The following TTC34 variants were observed in gnomAD, a reference collection of about 807,000 sequenced individuals.
TTC34 encodes tetratricopeptide repeat protein 34.
Under a neutral mutation model 40.7 loss-of-function variants are expected in TTC34, and 44 were observed. That is an observed-to-expected ratio of 1.08 (90% CI 0.85 to 1.39). The LOEUF is 1.39. Among genes scored for constraint, TTC34 ranks in the 40% most tolerant of loss-of-function variants. The probability of loss-of-function intolerance (pLI) is 0.00; values close to 1 mark genes in which losing one functional copy is unlikely to be tolerated. For missense variants in TTC34, 884 were observed against 838.0 expected (o/e 1.05, Z -0.68); for synonymous variants, 422 against 398.6 (o/e 1.06, Z -0.70).
At chr1:2,773,157 A>T (rs1642568809) in intron 6 of TTC34, among the ~76,000 whole-genome samples, 1 of 141,828 alleles carries the variant, frequency 7.1e-6, no homozygotes. Flanking sequence ...AGCATCTGAC[A>T]GCCTGGAGCA....
rs901360277 is a variant in TTC34 at position 2,796,447 on chromosome 1, C to T, written c.784+3597G>A. ...AAGTGACTTGGGTCTAATGGATGCA[C>T]AATTCTTAGGGCAGGTGTTCCCTGT... On this transcript the variant is annotated intron_variant, in intron 2 of 8. Transcript: ENST00000401095. This position sits in a 1 kb window ranked among gnomAD's most constrained non-coding sequence, Gnocchi z 4.5. Among the ~76,000 whole-genome samples the T allele has an allele frequency of 6.6e-6, 1 of 152,166 alleles. No homozygotes were observed. The highest frequency in any genetic ancestry group is 2.4e-5 in the African/African-American group (1 of 41,440).
rs1641308687 is a variant in TTC34 at position 2,751,238 on chromosome 1, G to A, written c.2226+32371C>T. On this transcript the variant is annotated intron_variant, in intron 6 of 8. Transcript: ENST00000401095. ...GGTGAGCATCTGACAGCCTGGAGCAGCAGGCACACCCCCAGTGAGCATCCG... is the reference window on the plus strand; with the variant it reads ...GGTGAGCATCTGACAGCCTGGAGCAACAGGCACACCCCCAGTGAGCATCCG... Among the ~76,000 whole-genome samples the A allele has an allele frequency of 2.1e-5, 2 of 93,442 alleles. 1 individual carries two copies. The highest frequency in any genetic ancestry group is 4.0e-5 in the Non-Finnish European group (2 of 49,572). The allele number at this position is 93,442 out of a possible 152,430, so 61.3% of individuals were successfully genotyped here.
chr1:2,698,492 G>A (rs1399439883), intron 6 of TTC34, among the ~76,000 whole-genome samples: 3 of 130,046 alleles, frequency 2.3e-5, no homozygotes, highest in African/African-American at 9.0e-5. Flanking sequence ...CACACTCCCA[G>A]GCGAGCATCT....
At chr1:2,759,916 CT>C (rs1641638864) in intron 6 of TTC34, among the ~76,000 whole-genome samples, 3 of 142,554 alleles carry the variant, frequency 2.1e-5, no homozygotes, top group Non-Finnish European at 3.0e-5. Context: ...GAACATCACC[CT>C]GCACCCCCAG....
chr1:2,792,033 T>TTTTTTTTTTTTTTA lies in TTC34; in HGVS notation c.785-1688_785-1687insTAAAAAAAAAAAAA, dbSNP rs1553171534. On this transcript the variant is annotated intron_variant, in intron 2 of 8. Transcript: ENST00000401095. ...TTTTTTTTTTTTTTTTTTTTTTTTT[T>TTTTTTTTTTTTTTA]AAAGACAGGGTCTTGCTCCATCACC... 4.6e-4 allele frequency among the ~76,000 whole-genome samples: 49 copies of TTTTTTTTTTTTTTA among 107,150 alleles called. 1 individual carries two copies. Among genetic ancestry groups the TTTTTTTTTTTTTTA allele is most frequent in the East Asian group, 1.2e-3 (4 of 3,476 alleles). 70.3% of individuals were successfully genotyped at this position (107,150 alleles called of 152,430 possible).
intron 6 of TTC34, among the ~76,000 whole-genome samples, chr1:2,751,711 T>C (rs1641326424): frequency 4.0e-5 from 6 of 150,980 alleles, no homozygotes; most frequent in South Asian, 2.1e-4. Context: ...TCCGACAGCC[T>C]GGAGCAGCAC....
rs1320952547 is a variant in TTC34, at chr1:2,751,931, C to G, written c.2226+31678G>C. 3.5e-5 allele frequency among the ~76,000 whole-genome samples: 4 copies of G among 115,860 alleles called. 1 individual carries two copies. Among genetic ancestry groups the G allele is most frequent in the African/African-American group, 7.9e-5 (2 of 25,238 alleles). 76.0% of individuals were successfully genotyped at this position (115,860 alleles called of 152,430 possible). ...GATGGTCTGGAGCAGCACGCATAACCACAGGTGAACATCGGAGAGTCTGGA... is the reference window on the plus strand; with the variant it reads ...GATGGTCTGGAGCAGCACGCATAACGACAGGTGAACATCGGAGAGTCTGGA... On this transcript the variant is annotated intron_variant, in intron 6 of 8. Transcript: ENST00000401095.
chr1:2,687,952 G>T (rs1383049319), intron 6 of TTC34, among the ~76,000 whole-genome samples: 1 of 150,340 alleles, frequency 6.7e-6, no homozygotes, highest in Non-Finnish European at 1.5e-5. Context: ...TGACAGCCTG[G>T]AACAGCACGC....
At chr1:2,750,714 G>A (rs1273538332) in intron 6 of TTC34, among the ~76,000 whole-genome samples, 1,077 of 16,434 alleles carry the variant, frequency 0.066, no homozygotes, top group Middle Eastern at 0.23. Flanking sequence ...ACAGCCTGGA[G>A]CAGCACCCAC....
intron 6 of TTC34, among the ~76,000 whole-genome samples, chr1:2,682,048 G>T (rs1403531584): frequency 2.5e-5 from 1 of 40,702 alleles, no homozygotes; most frequent in Non-Finnish European, 5.0e-5. Context: ...ATCTGACATT[G>T]TGGAGCAGCA....
exon 9 of TTC34, chr1:2,641,577 C>A: frequency 6.5e-7 from 1 of 1,532,966 alleles, no homozygotes; most frequent in Non-Finnish European, 8.7e-7. Context: ...CTGTTCTGGG[C>A]CAAGGAGGGC....
At chr1:2,779,762 A>G (rs184585644) in intron 6 of TTC34, among the ~76,000 whole-genome samples, 3 of 152,156 alleles carry the variant, frequency 2.0e-5, no homozygotes, top group African/African-American at 7.2e-5. Flanking sequence ...CTTTTTAAAA[A>G]CTTCATAGTA....
exon 9 of TTC34, chr1:2,639,290 C>T (rs776684736): frequency 6.6e-6 from 1 of 152,390 alleles, no homozygotes; most frequent in Non-Finnish European, 1.5e-5. Flanking sequence ...ACACAGCGAT[C>T]CTGAGGTCCA....
At chr1:2,693,136 GAACC>G (rs1640703285) in intron 6 of TTC34, among the ~76,000 whole-genome samples, 3 of 73,814 alleles carry the variant, frequency 4.1e-5, no homozygotes, top group Non-Finnish European at 8.8e-5. Context: ...GCCTGGAGCA[GAACC>G]CACACCCCCA....
chr1:2,779,243 A>G (rs1643435647), intron 6 of TTC34, among the ~76,000 whole-genome samples: 1 of 152,214 alleles, frequency 6.6e-6, no homozygotes, highest in Non-Finnish European at 1.5e-5. Context: ...TGGTGTACAA[A>G]TGTCTCTAAA....
intron 2 of TTC34, among the ~76,000 whole-genome samples, chr1:2,798,173 T>C (rs1569978892): frequency 2.7e-5 from 1 of 36,556 alleles, no homozygotes; most frequent in Admixed American, 4.0e-4. Context: ...AGCTCCCCAG[T>C]ACCCCCAGCC....
rs549568407 is a variant in TTC34, at chr1:2,699,330, A to C, written c.2227-53767T>G. 4.4e-4 allele frequency among the ~76,000 whole-genome samples: 39 copies of C among 87,920 alleles called. 1 individual carries two copies. Among genetic ancestry groups the C allele is most frequent in the East Asian group, 7.5e-4 (2 of 2,676 alleles). 57.7% of individuals were successfully genotyped at this position (87,920 alleles called of 152,430 possible). On this transcript the variant is annotated intron_variant, in intron 6 of 8. Transcript: ENST00000401095. The stretch of plus-strand genomic sequence containing the variant: ...CTGACCGCATGGAGCAGCAGCCACA[A>C]CTCCAGGCGAGCATCTGACAGCCTG...
chr1:2,646,019 T>C (rs1197041556), intron 6 of TTC34, among the ~76,000 whole-genome samples: 1 of 152,132 alleles, frequency 6.6e-6, no homozygotes. Flanking sequence ...CCAGTGCCTG[T>C]GGTCTTGGGG....
chr1:2,797,179 G>A (rs971922135), intron 2 of TTC34, among the ~76,000 whole-genome samples: 1 of 152,198 alleles, frequency 6.6e-6, no homozygotes, highest in African/African-American at 2.4e-5. Flanking sequence ...TCATGGGGAT[G>A]GTGGCTGCTC....
Sources: allele counts gnomAD v4.1 joint callset (sites outside exome capture counted in the v4.1 genomes callset), GRCh38; gene constraint gnomAD v4.1.1; non-coding constraint Gnocchi (gnomAD v3.1); transcripts MANE v1.5; gene names NCBI Gene and HGNC (gene_info 2026-07-23, HGNC 2026-07-21).